KCTD8: variants seen among roughly 807,000 people sequenced by gnomAD.
The protein encoded by KCTD8 is BTB/POZ domain-containing protein KCTD8.
In KCTD8, 27 loss-of-function variants were observed where a neutral mutation model predicts 31.5. The observed-to-expected ratio is 0.86, with a 90% CI of 0.63 to 1.18. The LOEUF is 1.18. Among genes scored for constraint, KCTD8 ranks in the 50% most tolerant of loss-of-function variants. The probability of loss-of-function intolerance (pLI) is 0.00; values close to 1 mark genes in which losing one functional copy is unlikely to be tolerated. For synonymous variants in KCTD8, 290 were observed against 280.0 expected, an observed-to-expected ratio of 1.04 and a Z score of -0.36; for missense variants, 658 against 647.7, an observed-to-expected ratio of 1.02 and a Z score of -0.17.
At chr4:44,201,639 G>A (rs1280809857) in intron 1 of KCTD8, among the ~76,000 whole-genome samples, 1 of 151,888 alleles carries the variant, frequency 6.6e-6, no homozygotes, top group African/African-American at 2.4e-5. Context: ...CCCCATATAT[G>A]AAAATTAACT....
intron 1 of KCTD8, among the ~76,000 whole-genome samples, chr4:44,420,056 T>A (rs1001845617): frequency 6.6e-6 from 1 of 151,738 alleles, no homozygotes; most frequent in Admixed American, 6.6e-5. Context: ...AAACAAGGCA[T>A]GATATTATTT....
chr4:44,289,217 G>A (rs1717195534), intron 1 of KCTD8, among the ~76,000 whole-genome samples: 1 of 150,646 alleles, frequency 6.6e-6, no homozygotes, highest in Non-Finnish European at 1.5e-5. Flanking sequence ...TTATATAATT[G>A]CATAACATTA....
At chr4:44,235,080 T>A (rs956397528) in intron 1 of KCTD8, among the ~76,000 whole-genome samples, 1 of 151,668 alleles carries the variant, frequency 6.6e-6, no homozygotes, top group African/African-American at 2.4e-5. Flanking sequence ...GTAATCAACA[T>A]TAACCACGTT....
intron 1 of KCTD8, among the ~76,000 whole-genome samples, chr4:44,312,145 G>T (rs1170686345): frequency 6.6e-6 from 1 of 152,078 alleles, no homozygotes. Flanking sequence ...ATTGGAAAAT[G>T]TTCCTCAAAG....
intron 1 of KCTD8, among the ~76,000 whole-genome samples, chr4:44,342,441 C>T (rs1028458178): frequency 1.4e-4 from 21 of 151,482 alleles, no homozygotes; most frequent in Non-Finnish European, 2.1e-4. Context: ...TTACAATACT[C>T]AGTAAACCAT....
At chr4:44,340,190 C>A (rs533737236) in intron 1 of KCTD8, among the ~76,000 whole-genome samples, 15 of 152,138 alleles carry the variant, frequency 9.9e-5, no homozygotes, top group Non-Finnish European at 2.1e-4. Flanking sequence ...TACAACTCTA[C>A]TCCTGGACTT....
intron 1 of KCTD8, among the ~76,000 whole-genome samples, chr4:44,205,109 A>G (rs907312257): frequency 6.6e-6 from 1 of 152,054 alleles, no homozygotes; most frequent in Non-Finnish European, 1.5e-5. Flanking sequence ...AAATATGTAT[A>G]CATGCAATGC....
intron 1 of KCTD8, among the ~76,000 whole-genome samples, chr4:44,318,052 TG>T (rs1718190481): frequency 1.3e-5 from 2 of 152,268 alleles, no homozygotes; most frequent in Admixed American, 6.5e-5. Flanking sequence ...GAAGCATCTC[TG>T]GACTCCCTTG....
chr4:44,427,379 A>G (rs1159179283), intron 1 of KCTD8, among the ~76,000 whole-genome samples: 3 of 151,426 alleles, frequency 2.0e-5, no homozygotes, highest in African/African-American at 7.3e-5. Flanking sequence ...AAATCCTAGC[A>G]AGTTCTATAA....
At chr4:44,181,773 C>T (rs1379522119) in intron 1 of KCTD8, among the ~76,000 whole-genome samples, 1 of 151,906 alleles carries the variant, frequency 6.6e-6, no homozygotes. Context: ...AGAGCCTCTT[C>T]CCGGCCGCCA....
At chr4:44,265,377 C>T (rs1364430035) in intron 1 of KCTD8, among the ~76,000 whole-genome samples, 2 of 152,042 alleles carry the variant, frequency 1.3e-5, no homozygotes, top group Admixed American at 1.3e-4. Flanking sequence ...GACATCCACA[C>T]CAAAAACCCA....
intron 1 of KCTD8, among the ~76,000 whole-genome samples, chr4:44,388,015 C>CAAA (rs200165225): frequency 2.9e-5 from 4 of 135,594 alleles, no homozygotes; most frequent in Non-Finnish European, 4.8e-5. Flanking sequence ...AACAAATTTA[C>CAAA]AAAAAAAAAA....
intron 1 of KCTD8, among the ~76,000 whole-genome samples, chr4:44,236,494 T>A (rs2109355151): frequency 6.6e-6 from 1 of 152,326 alleles, no homozygotes; most frequent in South Asian, 2.1e-4. Context: ...TTTATTCCCA[T>A]TCTGTTTAGG....
chr4:44,184,122 G>T (rs1029668379), intron 1 of KCTD8, among the ~76,000 whole-genome samples: 1 of 152,194 alleles, frequency 6.6e-6, no homozygotes, highest in Non-Finnish European at 1.5e-5. Flanking sequence ...AGTAGTTCAG[G>T]CTTGGGGTGA....
At chr4:44,435,499 C>A (rs949530224) in intron 1 of KCTD8, among the ~76,000 whole-genome samples, 5 of 151,920 alleles carry the variant, frequency 3.3e-5, no homozygotes, top group Admixed American at 2.6e-4. Flanking sequence ...ATTATCCAAA[C>A]TGAAATCCTA....
intron 1 of KCTD8, among the ~76,000 whole-genome samples, chr4:44,428,444 G>T (rs1044082737): frequency 2.0e-5 from 3 of 151,596 alleles, no homozygotes; most frequent in Non-Finnish European, 4.4e-5. Context: ...TTAAGACTCT[G>T]ATCAAGTCAC....
At chr4:44,439,175 T>C (rs1577672768) in intron 1 of KCTD8, among the ~76,000 whole-genome samples, 1 of 152,174 alleles carries the variant, frequency 6.6e-6, no homozygotes, top group Non-Finnish European at 1.5e-5. Flanking sequence ...TGCCAAATGA[T>C]GAGAAAGAGC....
At chr4:44,368,604 G>T (rs535740901) in intron 1 of KCTD8, among the ~76,000 whole-genome samples, 199 of 152,186 alleles carry the variant, frequency 1.3e-3, no homozygotes, top group South Asian at 4.2e-3. Context: ...GTCAGCAGCA[G>T]AAAGATAAAT....
At chr4:44,327,468 A>G (rs1377269218) in intron 1 of KCTD8, among the ~76,000 whole-genome samples, 3 of 151,888 alleles carry the variant, frequency 2.0e-5, no homozygotes, top group African/African-American at 7.3e-5. Context: ...GAATGTTTGT[A>G]TAATGTTTCC....
Sources: gnomAD v4.1 joint callset for allele counts (sites outside exome capture counted in the v4.1 genomes callset) on GRCh38, gnomAD v4.1.1 for gene constraint, MANE v1.5 for transcripts, NCBI Gene and HGNC (gene_info 2026-07-23, HGNC 2026-07-21) for gene names.